The following RNF185 variants were observed in gnomAD, a reference collection of about 807,000 sequenced individuals.
The protein encoded by RNF185 is E3 ubiquitin-protein ligase RNF185.
In RNF185, 13 loss-of-function variants were observed where a neutral mutation model predicts 24.9. The ratio of observed to expected loss-of-function variants is 0.52; its 90% confidence interval spans 0.34 to 0.83. The LOEUF (loss-of-function observed/expected upper bound fraction) is 0.83, where lower values mean the gene tolerates loss of function less well. RNF185 is among the 40% of genes least tolerant of loss of function. The pLI is 0.01. For synonymous variants in RNF185, 79 were observed against 90.3 expected, an observed-to-expected ratio of 0.88 and a Z score of 0.71; for missense variants, 184 against 244.7, an observed-to-expected ratio of 0.75 and a Z score of 1.65.
intron 1 of RNF185, among the ~76,000 whole-genome samples, chr22:31,165,740 TATG>T (rs1206774987): frequency 1.3e-5 from 2 of 152,156 alleles, no homozygotes; most frequent in Non-Finnish European, 2.9e-5. Flanking sequence ...TCATCCAAGA[TATG>T]ATAAGACTAG....
chr22:31,183,877 C>T (rs981877625), intron 1 of RNF185, among the ~76,000 whole-genome samples: 10 of 152,306 alleles, frequency 6.6e-5, no homozygotes, highest in East Asian at 3.9e-4. Context: ...CATCATGGCC[C>T]GTTCTCAATG....
In RNF185 at chr22:31,186,952, T is replaced by A. The variant is rs181787445; in HGVS notation, c.-48-95T>A. 1.8e-3 allele frequency: 1,625 copies of A among 881,006 alleles called. 18 individuals carry two copies. The African/African-American group carries it at 0.019, about 10-fold the overall frequency. 54.6% of individuals were successfully genotyped at this position (881,006 alleles called of 1,614,324 possible). A position where few individuals can be genotyped will look rare whatever the true frequency, so the allele number is the denominator to read the frequency against. On this transcript the variant is annotated intron_variant, in intron 1 of 6. Coordinates refer to ENST00000326132, the MANE Select transcript of RNF185 (RefSeq NM_152267.4). ...AGTCTGCTCAGGGATTCAGTCATAA[T>A]CAGCTCTGGAGCCTAGAGAAGACAG...
intron 1 of RNF185, among the ~76,000 whole-genome samples, chr22:31,179,624 A>G (rs1331544344): frequency 6.6e-6 from 1 of 152,204 alleles, no homozygotes; most frequent in Admixed American, 6.5e-5. Context: ...GGAGAGTGAT[A>G]TGGCCTGCCT....
intron 1 of RNF185, among the ~76,000 whole-genome samples, chr22:31,174,111 C>G (rs1334321995): frequency 6.6e-6 from 1 of 152,170 alleles, no homozygotes; most frequent in Admixed American, 6.6e-5. Context: ...TGTTTTATCT[C>G]TATTTCTTAG....
chr22:31,196,457 G>GATT (rs1601374453), intron 4 of RNF185, among the ~76,000 whole-genome samples: 2 of 152,140 alleles, frequency 1.3e-5, no homozygotes, highest in East Asian at 3.8e-4. Context: ...GTGATTTGAG[G>GATT]GGGTGAGACT....
At chr22:31,193,299 A>G (rs750712766) in intron 3 of RNF185, among the ~76,000 whole-genome samples, 3 of 152,176 alleles carry the variant, frequency 2.0e-5, no homozygotes, top group Non-Finnish European at 4.4e-5. Context: ...CAGAATCTGG[A>G]TGGGAGAAAG....
At chr22:31,190,673 A>T (rs1017765981) in intron 2 of RNF185, among the ~76,000 whole-genome samples, 2 of 148,510 alleles carry the variant, frequency 1.3e-5, no homozygotes, top group African/African-American at 5.0e-5. Flanking sequence ...GCACGATCTC[A>T]GCTCACTGCA....
chr22:31,166,705 A>G (rs1470542377), intron 1 of RNF185, among the ~76,000 whole-genome samples: 2 of 151,034 alleles, frequency 1.3e-5, no homozygotes, highest in African/African-American at 4.9e-5. Flanking sequence ...GCTGGAGTGC[A>G]ATGGTGCGAT....
At chr22:31,163,471 G>A (rs913351734) in intron 1 of RNF185, among the ~76,000 whole-genome samples, 1 of 151,722 alleles carries the variant, frequency 6.6e-6, no homozygotes, top group African/African-American at 2.4e-5. Context: ...GGGACTACGG[G>A]CACACACCAC....
intron 1 of RNF185, among the ~76,000 whole-genome samples, chr22:31,173,048 TC>T (rs982032911): frequency 6.6e-6 from 1 of 152,200 alleles, no homozygotes; most frequent in Non-Finnish European, 1.5e-5. Context: ...CATACCTTAA[TC>T]AAACATCTAC....
intron 5 of RNF185, 39 bp from the exon 6 acceptor site, chr22:31,201,459 C>G: frequency 2.0e-6 from 3 of 1,478,670 alleles, no homozygotes; most frequent in Non-Finnish European, 2.8e-6. Flanking sequence ...GAGAAACCTG[C>G]CTGATTCTCC....
At chr22:31,188,079 C>T (rs942472272) in intron 2 of RNF185, among the ~76,000 whole-genome samples, 2 of 152,056 alleles carry the variant, frequency 1.3e-5, no homozygotes, top group Non-Finnish European at 2.9e-5. Context: ...ATCTGAGACC[C>T]TTGAGGCTAC....
Sources: gnomAD v4.1 joint callset for allele counts (sites outside exome capture counted in the v4.1 genomes callset) on GRCh38, gnomAD v4.1.1 for gene constraint, MANE v1.5 for transcripts, NCBI Gene and HGNC (gene_info 2026-07-23, HGNC 2026-07-21) for gene names.